MAML3: variants seen among roughly 807,000 people sequenced by gnomAD.
MAML3 encodes the protein mastermind-like protein 3.
MAML3 carries 27 observed loss-of-function variants against 101.9 expected under a neutral mutation model. The observed-to-expected ratio is 0.27, with a 90% CI of 0.20 to 0.37. The LOEUF is 0.37. Among genes scored for constraint, MAML3 ranks in the 10% least tolerant of loss-of-function variants. The pLI is 1.00. For missense variants in MAML3, 1,316 were observed against 1,444.9 expected, an observed-to-expected ratio of 0.91 and a Z score of 1.45; for synonymous variants, 501 against 555.9, an observed-to-expected ratio of 0.90 and a Z score of 1.39.
intron 2 of MAML3, among the ~76,000 whole-genome samples, chr4:139,791,140 A>T (rs1207177153): frequency 2.6e-5 from 4 of 152,226 alleles, no homozygotes; most frequent in Non-Finnish European, 5.9e-5. Flanking sequence ...ATAATAATGG[A>T]AACTTACCCT....
chr4:139,865,119 C>T (rs550512682), intron 2 of MAML3, among the ~76,000 whole-genome samples: 2 of 152,038 alleles, frequency 1.3e-5, no homozygotes, highest in South Asian at 4.1e-4. Flanking sequence ...ATATCCTTTC[C>T]TCTTTAATTC....
chr4:140,023,627 T>C (rs376023750), intron 1 of MAML3, among the ~76,000 whole-genome samples: 4 of 152,224 alleles, frequency 2.6e-5, no homozygotes, highest in African/African-American at 9.6e-5. Context: ...CATTCAGACA[T>C]GGCTTTTAAA....
intron 2 of MAML3, among the ~76,000 whole-genome samples, chr4:139,805,234 T>C (rs1730681745): frequency 6.6e-6 from 1 of 152,216 alleles, no homozygotes; most frequent in South Asian, 2.1e-4. Flanking sequence ...GAATTTCATT[T>C]GTCTCCTGTT....
intron 1 of MAML3, among the ~76,000 whole-genome samples, chr4:139,956,361 C>T (rs116018079): frequency 0.011 from 1,665 of 152,268 alleles, 37 homozygotes; most frequent in African/African-American, 0.038. Flanking sequence ...TTCATTGCTT[C>T]ATCGTTCTTA....
intron 2 of MAML3, among the ~76,000 whole-genome samples, chr4:139,885,209 T>A (rs1287954419): frequency 6.6e-6 from 1 of 151,874 alleles, no homozygotes; most frequent in East Asian, 1.9e-4. Context: ...GACACTAGAC[T>A]GGGCAACATA....
chr4:139,802,771 C>G (rs1222589888), intron 2 of MAML3, among the ~76,000 whole-genome samples: 1 of 152,152 alleles, frequency 6.6e-6, no homozygotes, highest in Non-Finnish European at 1.5e-5. Context: ...ACTTCCATTC[C>G]TTCATTTTAA....
chr4:139,970,647 G>A (rs754205630), intron 1 of MAML3, among the ~76,000 whole-genome samples: 76 of 152,274 alleles, frequency 5.0e-4, no homozygotes, highest in Non-Finnish European at 8.4e-4. Context: ...TCCAAATGAG[G>A]GAACAAGGTC....
intron 1 of MAML3, among the ~76,000 whole-genome samples, chr4:139,914,224 G>C (rs1031774436): frequency 6.6e-6 from 1 of 152,128 alleles, no homozygotes; most frequent in Admixed American, 6.5e-5. Flanking sequence ...ATCACCCCAC[G>C]TTGCTATGTG....
At chr4:139,764,820 G>A (rs1003732459) in intron 2 of MAML3, among the ~76,000 whole-genome samples, 2 of 152,192 alleles carry the variant, frequency 1.3e-5, no homozygotes, top group African/African-American at 4.8e-5. Flanking sequence ...AGAGCAGCAG[G>A]GGCCACAGGA....
At chr4:139,816,694 G>A (rs973448831) in intron 2 of MAML3, among the ~76,000 whole-genome samples, 8 of 152,046 alleles carry the variant, frequency 5.3e-5, no homozygotes, top group South Asian at 2.1e-4. Flanking sequence ...AATAGATCTC[G>A]AGTGCCTACT....
At chr4:140,034,917 A>C (rs1408604959) in intron 1 of MAML3, among the ~76,000 whole-genome samples, 1 of 152,234 alleles carries the variant, frequency 6.6e-6, no homozygotes, top group Non-Finnish European at 1.5e-5. Flanking sequence ...CCCCACTGGG[A>C]AACAGTTACC....
intron 2 of MAML3, among the ~76,000 whole-genome samples, chr4:139,743,090 A>C (rs1729215469): frequency 6.6e-6 from 1 of 152,168 alleles, no homozygotes; most frequent in Admixed American, 6.5e-5. Context: ...AGTTGACTTC[A>C]TACCCACCTT....
At chr4:140,089,403 T>G (rs375419995) in intron 1 of MAML3, among the ~76,000 whole-genome samples, 16 of 152,296 alleles carry the variant, frequency 1.1e-4, no homozygotes, top group East Asian at 5.8e-4. Flanking sequence ...TCTAAACTCA[T>G]AGTTGGAATT....
intron 2 of MAML3, among the ~76,000 whole-genome samples, chr4:139,769,516 G>A (rs867679310): frequency 1.3e-5 from 2 of 152,164 alleles, no homozygotes; most frequent in African/African-American, 2.4e-5. Context: ...GAGACTGCAA[G>A]GCTCAATAGT....
chr4:139,860,356 T>G (rs1560816626), intron 2 of MAML3, among the ~76,000 whole-genome samples: 1 of 152,170 alleles, frequency 6.6e-6, no homozygotes, highest in Non-Finnish European at 1.5e-5. Context: ...TCCAGAAAGT[T>G]CTCCATGAGG....
intron 2 of MAML3, among the ~76,000 whole-genome samples, chr4:139,829,453 C>T (rs544251606): frequency 3.3e-5 from 5 of 152,000 alleles, no homozygotes; most frequent in South Asian, 4.2e-4. Context: ...TAAATCGCAG[C>T]GGATGTTATG....
chr4:140,051,978 CT>C (rs1727276903), intron 1 of MAML3, among the ~76,000 whole-genome samples: 2 of 152,306 alleles, frequency 1.3e-5, no homozygotes, highest in South Asian at 2.1e-4. Flanking sequence ...TACCTCACCC[CT>C]GTGTGTTAAT....
At chr4:139,968,068 C>G (rs570373680) in intron 1 of MAML3, among the ~76,000 whole-genome samples, 4 of 151,692 alleles carry the variant, frequency 2.6e-5, no homozygotes, top group Non-Finnish European at 5.9e-5. Context: ...TACCTGAGGT[C>G]AGGAGTTCGA....
At chr4:139,931,972 T>C (rs1733408099) in intron 1 of MAML3, among the ~76,000 whole-genome samples, 1 of 152,054 alleles carries the variant, frequency 6.6e-6, no homozygotes, top group Non-Finnish European at 1.5e-5. Flanking sequence ...TGAGCCGAGA[T>C]GGTGCCACTG....
Sources: allele counts gnomAD v4.1 joint callset (sites outside exome capture counted in the v4.1 genomes callset), GRCh38; gene constraint gnomAD v4.1.1; transcripts MANE v1.5; gene names NCBI Gene and HGNC (gene_info 2026-07-23, HGNC 2026-07-21).